The following BTBD9 variants were observed in gnomAD, a reference collection of about 807,000 sequenced individuals.
The protein encoded by BTBD9 is BTB domain containing 9.
Under a neutral mutation model 64.3 loss-of-function variants are expected in BTBD9, and 49 were observed. The observed-to-expected ratio is 0.76, with a 90% CI of 0.61 to 0.97. The LOEUF is 0.97. Ranked by LOEUF, BTBD9 falls within the 50% of genes least tolerant of loss-of-function variation. The pLI is 0.00. For missense variants in BTBD9, 598 were observed against 762.1 expected (o/e 0.78, Z 2.53); for synonymous variants, 260 against 274.7 (o/e 0.95, Z 0.53).
At chr6:38,237,612 C>T (rs1763822561) in intron 9 of BTBD9, among the ~76,000 whole-genome samples, 1 of 152,108 alleles carries the variant, frequency 6.6e-6, no homozygotes, top group Non-Finnish European at 1.5e-5. Flanking sequence ...AAATGGTTAC[C>T]AAGATGCCTA....
intron 6 of BTBD9, among the ~76,000 whole-genome samples, chr6:38,486,261 G>A (rs1418108601): frequency 6.6e-6 from 1 of 152,190 alleles, no homozygotes; most frequent in Non-Finnish European, 1.5e-5. Context: ...TATCAGCAAT[G>A]GCTGCTTTGC....
intron 1 of BTBD9, among the ~76,000 whole-genome samples, chr6:38,611,628 G>A (rs1428830097): frequency 6.6e-6 from 1 of 152,088 alleles, no homozygotes; most frequent in African/African-American, 2.4e-5. Context: ...GTCCCATAAG[G>A]ATGCAATAAA....
At chr6:38,451,836 T>C (rs1419603540) in intron 6 of BTBD9, among the ~76,000 whole-genome samples, 1 of 152,128 alleles carries the variant, frequency 6.6e-6, no homozygotes, top group African/African-American at 2.4e-5. Flanking sequence ...ATCCTTGGGT[T>C]TGCAAAGTTT....
intron 6 of BTBD9, among the ~76,000 whole-genome samples, chr6:38,374,323 A>ATATG (rs1278343724): frequency 8.2e-5 from 10 of 121,810 alleles, no homozygotes; most frequent in African/African-American, 2.3e-4. Context: ...ATATATATAT[A>ATATG]TATGTATATA....
intron 1 of BTBD9, among the ~76,000 whole-genome samples, chr6:38,626,730 T>A (rs1360169976): frequency 6.6e-6 from 1 of 152,224 alleles, no homozygotes; most frequent in Non-Finnish European, 1.5e-5. Context: ...AGTGACTACA[T>A]GCTCTTTGCT....
chr6:38,331,663 A>G (rs953588454), intron 7 of BTBD9, among the ~76,000 whole-genome samples: 4 of 152,188 alleles, frequency 2.6e-5, no homozygotes, highest in African/African-American at 9.6e-5. Flanking sequence ...GTTCAAGACC[A>G]GCCTGAGCAA....
At position 38,187,970 on chromosome 6, in the gene BTBD9, G is replaced by A. The variant is rs562626417; in HGVS notation, c.1641+4549C>T. 5.3e-5 allele frequency among the ~76,000 whole-genome samples: 8 copies of A among 152,300 alleles called. No individual in the cohort carries two copies. The East Asian group carries it at 5.8e-4, about 11-fold the overall frequency. Reference sequence around the variant, plus strand: ...GGCCACTGTCACCTGAGAGCTGGACGGATCGGAGGGAAGCGGGGAAAATTA... The same window carrying A: ...GGCCACTGTCACCTGAGAGCTGGACAGATCGGAGGGAAGCGGGGAAAATTA... On this transcript the variant is annotated intron_variant, in intron 10 of 10. Coordinates refer to ENST00000481247, the MANE Select transcript of BTBD9 (RefSeq NM_001099272.2).
At chr6:38,504,466 C>T in intron 6 of BTBD9, 1 of 443,954 alleles carries the variant, frequency 2.3e-6, no homozygotes, top group Non-Finnish European at 4.5e-6. Flanking sequence ...AATCCCTCTA[C>T]TGAACTTTAG....
chr6:38,566,288 G>A (rs187107038), intron 6 of BTBD9, among the ~76,000 whole-genome samples: 2 of 152,138 alleles, frequency 1.3e-5, no homozygotes, highest in Admixed American at 6.5e-5. Flanking sequence ...TAGAGGAACT[G>A]CTAAATCTTC....
intron 10 of BTBD9, among the ~76,000 whole-genome samples, chr6:38,178,400 G>A (rs909938688): frequency 6.6e-6 from 1 of 152,124 alleles, no homozygotes; most frequent in African/African-American, 2.4e-5. Context: ...CGTGAGCAGG[G>A]TCAGGAGGTA....
intron 6 of BTBD9, among the ~76,000 whole-genome samples, chr6:38,478,024 C>T (rs1770969059): frequency 6.6e-6 from 1 of 152,116 alleles, no homozygotes; most frequent in Non-Finnish European, 1.5e-5. Context: ...TGAGAATACC[C>T]CTGCTGCCAC....
At chr6:38,555,116 G>C (rs1774958999) in intron 6 of BTBD9, among the ~76,000 whole-genome samples, 1 of 152,150 alleles carries the variant, frequency 6.6e-6, no homozygotes, top group South Asian at 2.1e-4. Context: ...CTTTCTCCAA[G>C]ATAAAAGTAT....
intron 10 of BTBD9, among the ~76,000 whole-genome samples, chr6:38,185,291 G>A (rs564620340): frequency 5.3e-5 from 8 of 152,282 alleles, no homozygotes; most frequent in South Asian, 2.1e-4. Flanking sequence ...TCTACCAGGT[G>A]GTGAAGCTGC....
At chr6:38,625,398 C>T (rs968299125) in intron 1 of BTBD9, among the ~76,000 whole-genome samples, 3 of 152,194 alleles carry the variant, frequency 2.0e-5, no homozygotes, top group Admixed American at 1.3e-4. Context: ...CAGGTAGCTA[C>T]TTGCCCATTT....
intron 6 of BTBD9, among the ~76,000 whole-genome samples, chr6:38,415,044 C>G (rs925898081): frequency 6.6e-6 from 1 of 152,072 alleles, no homozygotes; most frequent in African/African-American, 2.4e-5. Context: ...CTCAATGTTC[C>G]CACTCTAAGT....
At chr6:38,528,266 C>G (rs956316782) in intron 6 of BTBD9, among the ~76,000 whole-genome samples, 1 of 152,174 alleles carries the variant, frequency 6.6e-6, no homozygotes, top group Non-Finnish European at 1.5e-5. Flanking sequence ...CACCCCAGGG[C>G]TCAGAACCTG....
chr6:38,424,219 G>C (rs1377867879), intron 6 of BTBD9, among the ~76,000 whole-genome samples: 1 of 151,958 alleles, frequency 6.6e-6, no homozygotes, highest in Non-Finnish European at 1.5e-5. Flanking sequence ...CAGAATAAAA[G>C]TCTCTGGTTC....
At chr6:38,491,561 A>G (rs564691766) in intron 6 of BTBD9, among the ~76,000 whole-genome samples, 1 of 152,340 alleles carries the variant, frequency 6.6e-6, no homozygotes, top group African/African-American at 2.4e-5. Context: ...AGCACTGATT[A>G]AAACATAAAA....
At chr6:38,581,265 T>C (rs939357668) in intron 4 of BTBD9, among the ~76,000 whole-genome samples, 2 of 152,096 alleles carry the variant, frequency 1.3e-5, no homozygotes, top group African/African-American at 4.8e-5. Context: ...CTGAGGACAA[T>C]GTATAAAAGC....
Sources: gnomAD v4.1 joint callset for allele counts (sites outside exome capture counted in the v4.1 genomes callset) on GRCh38, gnomAD v4.1.1 for gene constraint, MANE v1.5 for transcripts, NCBI Gene and HGNC (gene_info 2026-07-23, HGNC 2026-07-21) for gene names.